Variants in GATAD2A observed in about 807,000 individuals in gnomAD.
GATAD2A encodes transcriptional repressor p66-alpha.
A neutral mutation model predicts 68.5 loss-of-function variants in GATAD2A; 12 were observed. The observed-to-expected ratio is 0.18, with a 90% CI of 0.11 to 0.28. GATAD2A has a LOEUF of 0.28. Among genes scored for constraint, GATAD2A ranks in the 10% least tolerant of loss-of-function variants. The pLI is 1.00. For missense variants in GATAD2A, 755 were observed against 868.5 expected, an observed-to-expected ratio of 0.87 and a Z score of 1.64; for synonymous variants, 410 against 375.3, an observed-to-expected ratio of 1.09 and a Z score of -1.07.
chr19:19,477,759 A>G (rs2058771786), intron 2 of GATAD2A, among the ~76,000 whole-genome samples: 2 of 152,082 alleles, frequency 1.3e-5, no homozygotes, highest in African/African-American at 2.4e-5. Flanking sequence ...TTTGGACGGG[A>G]GAGAGGTGGC....
intron 1 of GATAD2A, among the ~76,000 whole-genome samples, chr19:19,463,137 A>G (rs2057586121): frequency 1.3e-5 from 2 of 152,012 alleles, no homozygotes; most frequent in Non-Finnish European, 2.9e-5. Context: ...CTCATCTCTC[A>G]CCTAAACAGG....
chr19:19,417,229 T>C (rs1402077212), intron 1 of GATAD2A, among the ~76,000 whole-genome samples: 2 of 152,176 alleles, frequency 1.3e-5, no homozygotes, highest in Non-Finnish European at 2.9e-5. Flanking sequence ...AGCTTCTTAG[T>C]TGGTGGGCTG....
chr19:19,495,942 G>C, intron 6 of GATAD2A, 57 bp downstream of exon 6: 1 of 1,594,504 alleles, frequency 6.3e-7, no homozygotes, highest in Non-Finnish European at 8.6e-7. Flanking sequence ...CGTCTACCTT[G>C]AAAGTAGGGC....
At chr19:19,494,418 G>A in intron 5 of GATAD2A, 35 bp downstream of exon 5, 1 of 1,278,788 alleles carries the variant, frequency 7.8e-7, no homozygotes, top group Non-Finnish European at 1.1e-6. Context: ...TGGGTGCCCT[G>A]CTGGCACTGC....
intron 2 of GATAD2A, among the ~76,000 whole-genome samples, chr19:19,480,950 G>A (rs575024347): frequency 3.0e-4 from 45 of 152,350 alleles, no homozygotes; most frequent in Non-Finnish European, 6.0e-4. Context: ...GTTTGTGGTC[G>A]TTTCAGAAGC....
intron 1 of GATAD2A, among the ~76,000 whole-genome samples, chr19:19,389,125 A>T (rs1377660726): frequency 6.6e-6 from 1 of 152,024 alleles, no homozygotes; most frequent in Non-Finnish European, 1.5e-5. Context: ...AGCTAATTTT[A>T]TCTGCTTTGC....
At chr19:19,479,993 A>G (rs1343328909) in intron 2 of GATAD2A, among the ~76,000 whole-genome samples, 1 of 151,950 alleles carries the variant, frequency 6.6e-6, no homozygotes, top group Non-Finnish European at 1.5e-5. Context: ...ACTTTAGAGA[A>G]GGGGTTGTTC....
intron 1 of GATAD2A, among the ~76,000 whole-genome samples, chr19:19,443,347 C>T (rs184935586): frequency 6.6e-6 from 1 of 152,066 alleles, no homozygotes; most frequent in South Asian, 2.1e-4. Flanking sequence ...GCCACAGGGA[C>T]GCCATTTGCA....
chr19:19,465,836 C>T (rs2057824281), intron 2 of GATAD2A, among the ~76,000 whole-genome samples: 1 of 152,240 alleles, frequency 6.6e-6, no homozygotes, highest in African/African-American at 2.4e-5. Context: ...GTGGGTCTCA[C>T]AGGAGAAGGA....
At chr19:19,500,691 C>G (rs947853918) in intron 8 of GATAD2A, among the ~76,000 whole-genome samples, 4 of 152,246 alleles carry the variant, frequency 2.6e-5, no homozygotes, top group Non-Finnish European at 4.4e-5. Context: ...ACAATGTGAT[C>G]TACAGGTCAC....
At chr19:19,471,906 C>CT (rs2058338896) in intron 2 of GATAD2A, among the ~76,000 whole-genome samples, 2 of 152,144 alleles carry the variant, frequency 1.3e-5, no homozygotes, top group Non-Finnish European at 2.9e-5. Context: ...TTTTGGTTCT[C>CT]TGTTTTTTGG....
At chr19:19,484,744 A>G (rs1241532016) in intron 2 of GATAD2A, among the ~76,000 whole-genome samples, 2 of 151,994 alleles carry the variant, frequency 1.3e-5, no homozygotes, top group East Asian at 1.9e-4. Context: ...TGTGTTAGCC[A>G]GGATGGTCTC....
intron 1 of GATAD2A, among the ~76,000 whole-genome samples, chr19:19,412,546 C>T (rs754445610): frequency 1.3e-5 from 2 of 151,738 alleles, no homozygotes; most frequent in East Asian, 3.9e-4. Context: ...ATGGGAGGAT[C>T]GGTTGAGCCT....
chr19:19,477,301 C>T (rs1393287813), intron 2 of GATAD2A, among the ~76,000 whole-genome samples: 1 of 152,126 alleles, frequency 6.6e-6, no homozygotes, highest in African/African-American at 2.4e-5. Flanking sequence ...TGCCATAGGA[C>T]TGCGGATTTT....
intron 5 of GATAD2A, among the ~76,000 whole-genome samples, chr19:19,494,688 C>G (rs1370102850): frequency 6.6e-6 from 1 of 152,242 alleles, no homozygotes; most frequent in Non-Finnish European, 1.5e-5. Context: ...GTTGACTCTT[C>G]CGGCCAGAGA....
At chr19:19,443,384 C>T (rs2055331934) in intron 1 of GATAD2A, among the ~76,000 whole-genome samples, 1 of 152,200 alleles carries the variant, frequency 6.6e-6, no homozygotes, top group Admixed American at 6.5e-5. Flanking sequence ...ACAGGGCAAG[C>T]ATCCTAACTC....
chr19:19,422,319 C>T (rs1352679808), intron 1 of GATAD2A, among the ~76,000 whole-genome samples: 1 of 152,182 alleles, frequency 6.6e-6, no homozygotes, highest in Non-Finnish European at 1.5e-5. Context: ...CTATCTGGCT[C>T]CTCTTGGAGC....
chr19:19,423,769 G>C (rs565709028), intron 1 of GATAD2A, among the ~76,000 whole-genome samples: 2 of 152,304 alleles, frequency 1.3e-5, no homozygotes, highest in South Asian at 4.1e-4. Flanking sequence ...GGGGGCTTGA[G>C]GTCTGCCAGG....
intron 5 of GATAD2A, 100 bp from the exon 6 acceptor site, chr19:19,495,654 A>C: frequency 1.8e-6 from 2 of 1,085,546 alleles, no homozygotes; most frequent in Non-Finnish European, 2.6e-6. Flanking sequence ...AAAAAAAAAA[A>C]ACTAGTATGT....
Sources: gnomAD v4.1 joint callset for allele counts (sites outside exome capture counted in the v4.1 genomes callset) on GRCh38, gnomAD v4.1.1 for gene constraint, MANE v1.5 for transcripts, NCBI Gene and HGNC (gene_info 2026-07-23, HGNC 2026-07-21) for gene names.